The following MTMR7 variants were observed in gnomAD, a reference collection of about 807,000 sequenced individuals.
The protein encoded by MTMR7 is myotubularin related protein 7, also known as phosphatidylinositol-3-phosphate phosphatase MTMR7.
In MTMR7, 76 loss-of-function variants were observed where a neutral mutation model predicts 81.2. The observed-to-expected ratio is 0.94, with a 90% CI of 0.78 to 1.13. The LOEUF is 1.13. Ranked by LOEUF, MTMR7 falls within the 50% of genes most tolerant of loss-of-function variation. The pLI is 0.00. For missense variants in MTMR7, 1,044 were observed against 820.0 expected, an observed-to-expected ratio of 1.27 and a Z score of -3.34; for synonymous variants, 372 against 289.8, an observed-to-expected ratio of 1.28 and a Z score of -2.88.
rs1343392071 is a variant in MTMR7, at chr8:17,369,476, GA to G, written c.310+1560del. Among the ~76,000 whole-genome samples, 4 of 152,176 alleles carry G rather than the reference GA, an allele frequency of 2.6e-5. 1 individual carries two copies. The highest frequency in any genetic ancestry group is 5.9e-5 in the Non-Finnish European group (4 of 68,014). ...CAAATGCCTTGAAAAGTTCATAATT[GA>G]ACTTCTTGTCCTGAATCAAAAAGCA... On this transcript the variant is annotated intron_variant, in intron 3 of 13. Transcript: ENST00000180173.
chr8:17,304,270 C>A (rs764680380), intron 12 of MTMR7, 109 bp downstream of exon 12: 7 of 1,252,060 alleles, frequency 5.6e-6, no homozygotes, highest in East Asian at 2.4e-5. Flanking sequence ...TCTTTTGTGT[C>A]CAATAAAAGC....
At chr8:17,410,649 T>C (rs572725890) in intron 1 of MTMR7, among the ~76,000 whole-genome samples, 14 of 152,288 alleles carry the variant, frequency 9.2e-5, no homozygotes, top group African/African-American at 3.4e-4. Context: ...TATGCTCTGT[T>C]AAAGGCTTCA....
In MTMR7 at chr8:17,312,066, G is replaced by A. The variant is rs184707887; in HGVS notation, c.976-430C>T. On this transcript the variant is annotated intron_variant, in intron 8 of 13. Transcript: ENST00000180173. ...CTATGAAGTTATAAATAAAAGGTAA[G>A]CGTCAAGTAATGGATGTAAGGTTGA... Among the ~76,000 whole-genome samples, 19 of 152,274 alleles carry A rather than the reference G, an allele frequency of 1.2e-4. No homozygotes were observed. In the East Asian group the frequency reaches 3.7e-3, roughly 29 times the overall value.
intron 6 of MTMR7, among the ~76,000 whole-genome samples, chr8:17,338,317 T>C (rs937869055): frequency 6.6e-6 from 1 of 152,196 alleles, no homozygotes; most frequent in Non-Finnish European, 1.5e-5. Flanking sequence ...TGCCTGGCTC[T>C]ACAGCTGCCA....
chr8:17,387,568 G>C (rs556576788), intron 1 of MTMR7, among the ~76,000 whole-genome samples: 1 of 152,178 alleles, frequency 6.6e-6, no homozygotes, highest in Admixed American at 6.5e-5. Context: ...CATGTCAGAA[G>C]GATTGTTAGT....
intron 7 of MTMR7, among the ~76,000 whole-genome samples, chr8:17,313,735 G>C (rs1050090529): frequency 6.6e-6 from 1 of 152,120 alleles, no homozygotes. Flanking sequence ...AATTAAAAAT[G>C]GGCCACTAAG....
Position 17,313,369 on chromosome 8 carries a change from A to T in MTMR7, c.898T>A (p.Phe300Ile). Reference protein sequence around the residue: ...CELKSPSMSDFLWGLENSGWL... With the variant: ...CELKSPSMSDILWGLENSGWL... ...CCAGAGTTCTCCAGACCCCACAGGA[A>T]ATCACTCATGGAGGGAGATTTAAGT... Residue 300 changes from phenylalanine (F) to isoleucine (I), a missense_variant, in exon 8 of 14, where the codon TTC (phenylalanine) becomes ATC (isoleucine). Transcript: ENST00000180173. The T allele has an allele frequency of 1.9e-6, 3 of 1,612,728 alleles. No homozygotes were observed. The highest frequency in any genetic ancestry group is 2.5e-6 in the Non-Finnish European group (3 of 1,179,016).
intron 6 of MTMR7, among the ~76,000 whole-genome samples, chr8:17,331,754 A>G (rs562799830): frequency 6.6e-6 from 1 of 152,364 alleles, no homozygotes; most frequent in Admixed American, 6.5e-5. Context: ...TGGTTGCATC[A>G]TTCTAATTTG....
chr8:17,328,709 TA>T (rs1251437120), intron 7 of MTMR7, among the ~76,000 whole-genome samples: 1 of 152,120 alleles, frequency 6.6e-6, no homozygotes, highest in Non-Finnish European at 1.5e-5. Context: ...CCCCAGAACT[TA>T]AAAATTTTAA....
chr8:17,367,340 A>C (rs1820258468), intron 3 of MTMR7, among the ~76,000 whole-genome samples: 1 of 152,186 alleles, frequency 6.6e-6, no homozygotes, highest in Non-Finnish European at 1.5e-5. Flanking sequence ...TACAAAAATA[A>C]ACAGCAGGAG....
chr8:17,312,574 C>CAAAA (rs10617081), intron 8 of MTMR7, among the ~76,000 whole-genome samples: 38 of 87,248 alleles, frequency 4.4e-4, no homozygotes, highest in Admixed American at 1.7e-3. Flanking sequence ...GACTCCCTCT[C>CAAAA]AAAAAAAAAA....
rs140184687 is a variant in MTMR7, at chr8:17,385,446, T to A, written c.25-12206A>T. Among the ~76,000 whole-genome samples the A allele has an allele frequency of 1.9e-3, 282 of 152,306 alleles. 2 individuals are homozygous for A. Among genetic ancestry groups the A allele is most frequent in the African/African-American group, 6.5e-3 (270 of 41,578 alleles). ...GATAGTGAATACGCCTCATGACATC[T>A]GATGGTTTTATAAAGGGAGCTTCCC... On this transcript the variant is annotated intron_variant, in intron 1 of 13. Coordinates refer to ENST00000180173, the MANE Select transcript of MTMR7 (RefSeq NM_004686.5).
chr8:17,380,065 G>A (rs745789693), intron 1 of MTMR7, among the ~76,000 whole-genome samples: 10 of 152,164 alleles, frequency 6.6e-5, no homozygotes, highest in Non-Finnish European at 1.3e-4. Context: ...GATCTGCAAC[G>A]TGAACTAATT....
Position 17,299,926 on chromosome 8 carries a change from T to C in MTMR7, c.1919A>G (p.His640Arg). The C allele has an allele frequency of 6.2e-7, 1 of 1,614,168 alleles. No individual in the cohort carries two copies. The highest frequency in any genetic ancestry group is 8.5e-7 in the Non-Finnish European group (1 of 1,180,012). ...LSCRSPSGGEHAPSEDSGKDR... is the reference protein window; with the variant it reads ...LSCRSPSGGERAPSEDSGKDR... ...CTTGCCACTATCTTCACTCGGTGCA[T>C]GCTCACCACCACTTGGAGACCGACA... The change falls in exon 14 of 14, where the codon CAT (histidine) becomes CGT (arginine). Residue 640 changes from histidine (H) to arginine (R), a missense_variant. His to Arg is a conservative substitution (Grantham distance 29, BLOSUM62 0). Transcript: ENST00000180173.
chr8:17,404,061 T>A (rs1758233533), intron 1 of MTMR7, among the ~76,000 whole-genome samples: 1 of 152,166 alleles, frequency 6.6e-6, no homozygotes, highest in South Asian at 2.1e-4. Context: ...ATGCTTTCTG[T>A]GTGAGGAGAC....
intron 8 of MTMR7, among the ~76,000 whole-genome samples, chr8:17,312,267 T>G (rs1817822936): frequency 6.6e-6 from 1 of 152,100 alleles, no homozygotes; most frequent in African/African-American, 2.4e-5. Context: ...AATTCTAGTT[T>G]TATTAGTTTA....
chr8:17,350,832 C>G lies in MTMR7; in HGVS notation c.469-1751G>C, dbSNP rs566055560. Among the ~76,000 whole-genome samples, 3 of 152,306 alleles carry G rather than the reference C, an allele frequency of 2.0e-5. No individual in the cohort carries two copies. In the South Asian group the frequency reaches 6.2e-4, roughly 32 times the overall value. ...GCCACAGAAGAGATGTTCACAGGCC[C>G]AAAGTCTAATTTCAGGGTTCTACCA... On this transcript the variant is annotated intron_variant, in intron 4 of 13. Coordinates refer to ENST00000180173, the MANE Select transcript of MTMR7 (RefSeq NM_004686.5).
intron 6 of MTMR7, among the ~76,000 whole-genome samples, chr8:17,337,314 G>C (rs546414152): frequency 2.0e-5 from 3 of 148,700 alleles, no homozygotes; most frequent in Non-Finnish European, 3.0e-5. Context: ...GCAGTGATCC[G>C]AGATCGTGCC....
intron 1 of MTMR7, among the ~76,000 whole-genome samples, chr8:17,403,542 T>C (rs78195764): frequency 0.013 from 1,973 of 152,314 alleles, 40 homozygotes; most frequent in African/African-American, 0.045. Context: ...TTGCACAGAA[T>C]ACATTTGGCT....
Sources: gnomAD v4.1 joint callset for allele counts (sites outside exome capture counted in the v4.1 genomes callset) on GRCh38, gnomAD v4.1.1 for gene constraint, MANE v1.5 for transcripts, NCBI Gene and HGNC (gene_info 2026-07-23, HGNC 2026-07-21) for gene names.